OTOGL: variants seen among roughly 807,000 people sequenced by gnomAD.
OTOGL encodes otogelin like.
In OTOGL, 285 loss-of-function variants were observed where a neutral mutation model predicts 318.5. That is an observed-to-expected ratio of 0.89 (90% CI 0.81 to 0.99). The LOEUF (loss-of-function observed/expected upper bound fraction) is 0.99, where lower values mean the gene tolerates loss of function less well. OTOGL is among the 50% of genes least tolerant of loss of function. The pLI, the probability that OTOGL is intolerant of heterozygous loss-of-function variation, is 0.00. For synonymous variants in OTOGL, 987 were observed against 936.5 expected, an observed-to-expected ratio of 1.05 and a Z score of -0.99; for missense variants, 2,899 against 2,845.6, an observed-to-expected ratio of 1.02 and a Z score of -0.43.
At chr12:80,372,424 G>C (rs992622682) in intron 57 of OTOGL, among the ~76,000 whole-genome samples, 1 of 151,986 alleles carries the variant, frequency 6.6e-6, no homozygotes, top group Non-Finnish European at 1.5e-5. Context: ...AATGTTTTGT[G>C]ATCATATTTG....
chr12:80,265,156 C>T lies in OTOGL; in HGVS notation c.2170C>T (p.Leu724Phe), dbSNP rs1401089469. ...LCNALAHYAY[L>F]CGQHGVPIDF... ...CAATGCTCTTGCCCACTATGCCTACCTCTGCGGCCAGCACGGTGTTCCCAT... is the reference window on the plus strand; with the variant it reads ...CAATGCTCTTGCCCACTATGCCTACTTCTGCGGCCAGCACGGTGTTCCCAT... Residue 724 changes from leucine to phenylalanine, a missense_variant, in exon 20 of 59, where the codon CTC becomes TTC. By Grantham distance (22) the Leu-to-Phe change is conservative. Coordinates refer to ENST00000547103, the MANE Select transcript of OTOGL (RefSeq NM_001378609.3). 4 of 1,613,880 alleles carry T rather than the reference C, an allele frequency of 2.5e-6. No individual in the cohort carries two copies. Among genetic ancestry groups the T allele is most frequent in the East Asian group, 2.2e-5 (1 of 44,874 alleles).
At position 80,239,361 on chromosome 12, in the gene OTOGL, TG is replaced by T. The variant is rs766753922; in HGVS notation, c.975del (p.Leu325PhefsTer6). On this transcript the variant is annotated frameshift_variant, in exon 11 of 59. Transcript: ENST00000547103. LOFTEE classifies it high-confidence loss of function. ...ATCTTCTTCAAGTGTCAGATACTGTTGCAGTTTCCTTTTCTGAGCTGCCATG... is the reference window on the plus strand; with the variant it reads ...ATCTTCTTCAAGTGTCAGATACTGTTCAGTTTCCTTTTCTGAGCTGCCATG... ...EAIFFKCQIL[L>X]QFPFLSCHEY... 47 of 1,610,162 alleles carry T rather than the reference TG, an allele frequency of 2.9e-5. No homozygotes were observed. Among genetic ancestry groups the T allele is most frequent in the Non-Finnish European group, 5.1e-6 (6 of 1,178,114 alleles).
intron 1 of OTOGL, among the ~76,000 whole-genome samples, chr12:80,174,515 G>C (rs115646377): frequency 6.6e-6 from 1 of 152,164 alleles, no homozygotes; most frequent in Non-Finnish European, 1.5e-5. Flanking sequence ...GATGGAACTA[G>C]TTTAGAGAGT....
chr12:80,103,163 A>T, intron 1 of OTOGL: 1 of 1,285,518 alleles, frequency 7.8e-7, no homozygotes, highest in East Asian at 2.3e-5. Flanking sequence ...GTCCTCGTAC[A>T]ACCTGAACTT....
intron 29 of OTOGL, among the ~76,000 whole-genome samples, chr12:80,307,018 C>A (rs1886169024): frequency 1.3e-5 from 2 of 148,646 alleles, no homozygotes; most frequent in Non-Finnish European, 2.9e-5. Flanking sequence ...TCTTAACGAG[C>A]ATGCTGCCTT....
chr12:80,266,667 C>A, intron 21 of OTOGL, 51 bp downstream of exon 21: 2 of 1,523,578 alleles, frequency 1.3e-6, no homozygotes, highest in South Asian at 2.4e-5. Context: ...TCTTTTTCTC[C>A]TTACGGGCTA....
At chr12:80,246,331 C>T (rs867209922) in intron 11 of OTOGL, among the ~76,000 whole-genome samples, 5,496 of 145,660 alleles carry the variant, frequency 0.038, 174 homozygotes, top group Admixed American at 0.056. Context: ...TTTTGAAATA[C>T]GTCCCATCAA....
At chr12:80,283,807 T>G (rs1278671310) in intron 26 of OTOGL, among the ~76,000 whole-genome samples, 2 of 152,082 alleles carry the variant, frequency 1.3e-5, no homozygotes, top group African/African-American at 4.8e-5. Flanking sequence ...GGAATATTGT[T>G]AAAATATGAA....
At chr12:80,246,128 T>C (rs1475029771) in intron 11 of OTOGL, among the ~76,000 whole-genome samples, 1 of 151,724 alleles carries the variant, frequency 6.6e-6, no homozygotes, top group African/African-American at 2.4e-5. Context: ...TTTTACTTCC[T>C]CTTTTCCTAA....
intron 1 of OTOGL, among the ~76,000 whole-genome samples, chr12:80,194,783 A>G (rs1875936543): frequency 6.6e-6 from 1 of 152,206 alleles, no homozygotes; most frequent in Non-Finnish European, 1.5e-5. Context: ...ATTTAAAAAA[A>G]TAAACTTTCG....
chr12:80,117,402 T>C (rs1289988225), intron 1 of OTOGL, among the ~76,000 whole-genome samples: 1 of 152,188 alleles, frequency 6.6e-6, no homozygotes, highest in Non-Finnish European at 1.5e-5. Flanking sequence ...AAACTTTGAC[T>C]CCTATTTCTT....
At chr12:80,150,316 A>G (rs1369597576) in intron 1 of OTOGL, among the ~76,000 whole-genome samples, 1 of 152,234 alleles carries the variant, frequency 6.6e-6, no homozygotes, top group Non-Finnish European at 1.5e-5. Flanking sequence ...CTACAACAGA[A>G]TAATGTGTTT....
At chr12:80,360,445 C>T (rs899901355) in intron 52 of OTOGL, among the ~76,000 whole-genome samples, 2 of 121,222 alleles carry the variant, frequency 1.6e-5, no homozygotes, top group African/African-American at 3.2e-5. Context: ...CCCCCTCCCC[C>T]CCCTCGCTCT....
chr12:80,224,291 A>G lies in OTOGL; in HGVS notation c.489+2046A>G, dbSNP rs150230965. On this transcript the variant is annotated intron_variant, in intron 7 of 58. Coordinates refer to ENST00000547103, the MANE Select transcript of OTOGL (RefSeq NM_001378609.3). ...TGTTGTTCTATATGACTGTTTTAAT[A>G]CCAGTACCATGCTGTTTTGGTGACT... 6.4e-3 allele frequency among the ~76,000 whole-genome samples: 970 copies of G among 152,224 alleles called. 13 individuals carry two copies. The highest frequency in any genetic ancestry group is 0.022 in the African/African-American group (920 of 41,550).
At chr12:80,149,723 C>G (rs1592497123) in intron 1 of OTOGL, among the ~76,000 whole-genome samples, 1 of 152,242 alleles carries the variant, frequency 6.6e-6, no homozygotes, top group South Asian at 2.1e-4. Context: ...CATCGAGACT[C>G]CATGGGCGTA....
rs993427991 is a variant in OTOGL at position 80,379,432 on chromosome 12, G to A, written c.*1384G>A. 1 of 146,158 alleles carries A rather than the reference G, an allele frequency of 6.8e-6. No homozygotes were observed. The highest frequency in any genetic ancestry group is 2.0e-4 in the East Asian group (1 of 4,962). The allele number at this position is 146,158 out of a possible 1,614,324, so 9.1% of individuals were successfully genotyped here. ...ACTTACTGAATATTTTAGATCTCTT[G>A]GGTTACTTAAATATGTGTGAAAAAA... On this transcript the variant is annotated 3_prime_UTR_variant, in exon 59 of 59. Coordinates refer to ENST00000547103, the MANE Select transcript of OTOGL (RefSeq NM_001378609.3).
chr12:80,321,916 G>T (rs992072243), intron 34 of OTOGL, among the ~76,000 whole-genome samples: 2 of 152,170 alleles, frequency 1.3e-5, no homozygotes, highest in African/African-American at 4.8e-5. Flanking sequence ...AAAGCCCAGG[G>T]TGAACTGAAT....
At chr12:80,212,080 C>T in intron 4 of OTOGL, 83 bp downstream of exon 4, 1 of 1,321,860 alleles carries the variant, frequency 7.6e-7, no homozygotes, top group South Asian at 1.3e-5. Context: ...ACAATGAGAC[C>T]TTTGTGGAGG....
intron 17 of OTOGL, 47 bp from the exon 18 acceptor site, chr12:80,257,778 C>A: frequency 7.1e-7 from 1 of 1,415,856 alleles, no homozygotes; most frequent in Non-Finnish European, 9.4e-7. Context: ...TTTCAGAACA[C>A]CGTCTATGAA....
Sources: gnomAD v4.1 joint callset for allele counts (sites outside exome capture counted in the v4.1 genomes callset) on GRCh38, gnomAD v4.1.1 for gene constraint, MANE v1.5 for transcripts, NCBI Gene and HGNC (gene_info 2026-07-23, HGNC 2026-07-21) for gene names.